The following SNTG2 variants were observed in gnomAD, a reference collection of about 807,000 sequenced individuals.
SNTG2 encodes the protein gamma-2-syntrophin.
SNTG2 carries 74 observed loss-of-function variants against 70.9 expected under a neutral mutation model. The observed-to-expected ratio is 1.04, with a 90% CI of 0.86 to 1.27. The LOEUF is 1.27. Among genes scored for constraint, SNTG2 ranks in the 50% most tolerant of loss-of-function variants. The pLI, the probability that SNTG2 is intolerant of heterozygous loss-of-function variation, is 0.00. For missense variants in SNTG2, 717 were observed against 690.7 expected, an observed-to-expected ratio of 1.04 and a Z score of -0.43; for synonymous variants, 278 against 273.8, an observed-to-expected ratio of 1.02 and a Z score of -0.15.
At chr2:1,228,994 C>T (rs951024204) in intron 9 of SNTG2, among the ~76,000 whole-genome samples, 5 of 151,988 alleles carry the variant, frequency 3.3e-5, no homozygotes, top group African/African-American at 9.7e-5. Context: ...CTGGTGGGCT[C>T]GTGGTCTCTC....
chr2:958,880 T>C (rs987661516), intron 1 of SNTG2, among the ~76,000 whole-genome samples: 3 of 152,178 alleles, frequency 2.0e-5, no homozygotes, highest in Admixed American at 6.5e-5. Context: ...AATTTTGGGA[T>C]AGTACGATAT....
At position 1,307,432 on chromosome 2, in the gene SNTG2, G is replaced by A. The variant is rs533997056; in HGVS notation, c.1285-1062G>A. On this transcript the variant is annotated intron_variant, in intron 14 of 16. Coordinates refer to ENST00000308624, the MANE Select transcript of SNTG2 (RefSeq NM_018968.4). ...AGTGTGTGTGGTGTGTGTGAGCCGT[G>A]TACTGTGTGTGTGTGTGTGTGTGTG... 1.3e-4 allele frequency among the ~76,000 whole-genome samples: 18 copies of A among 141,324 alleles called. No homozygotes were observed. In the South Asian group the frequency reaches 3.3e-3, roughly 26 times the overall value. 92.7% of individuals were successfully genotyped at this position (141,324 alleles called of 152,430 possible). A position where few individuals can be genotyped will look rare whatever the true frequency, so the allele number is the denominator to read the frequency against.
At chr2:1,160,263 A>G (rs1458292780) in intron 6 of SNTG2, 7 of 152,204 alleles carry the variant, frequency 4.6e-5, no homozygotes, top group Non-Finnish European at 1.0e-4. Flanking sequence ...ACGTTCTTAC[A>G]AAGGCATAGA....
At chr2:1,038,598 A>G (rs556470211) in intron 1 of SNTG2, among the ~76,000 whole-genome samples, 1 of 152,366 alleles carries the variant, frequency 6.6e-6, no homozygotes, top group African/African-American at 2.4e-5. Flanking sequence ...TTCAACATGG[A>G]TAAGATAAAT....
At chr2:1,149,935 G>C (rs779903020) in intron 6 of SNTG2, among the ~76,000 whole-genome samples, 2 of 151,996 alleles carry the variant, frequency 1.3e-5, no homozygotes, top group Non-Finnish European at 2.9e-5. Context: ...TGATCCACCC[G>C]CCTCGGCCTC....
At chr2:1,098,057 T>G in intron 2 of SNTG2, 139 bp from the exon 3 acceptor site, 1 of 848,704 alleles carries the variant, frequency 1.2e-6, no homozygotes, top group South Asian at 1.5e-5. Flanking sequence ...ATAGTGTCAT[T>G]ACTGTCATAT....
At chr2:960,121 G>C (rs930669967) in intron 1 of SNTG2, among the ~76,000 whole-genome samples, 1 of 152,134 alleles carries the variant, frequency 6.6e-6, no homozygotes, top group Non-Finnish European at 1.5e-5. Flanking sequence ...GAGAGGCTTC[G>C]GGCAGGTGTT....
rs150729918 is a variant in SNTG2 at position 1,187,046 on chromosome 2, C to T, written c.591+13863C>T. Reference sequence around the variant, plus strand: ...AGGGGCTGCAGAGACAGACCGAAGACGTCTAGCACATGCTCACCCATCAAG... The same window carrying T: ...AGGGGCTGCAGAGACAGACCGAAGATGTCTAGCACATGCTCACCCATCAAG... On this transcript the variant is annotated intron_variant, in intron 8 of 16. Coordinates refer to ENST00000308624, the MANE Select transcript of SNTG2 (RefSeq NM_018968.4). Among the ~76,000 whole-genome samples, 554 of 152,284 alleles carry T rather than the reference C, an allele frequency of 3.6e-3. 6 individuals are homozygous for T. The highest frequency in any genetic ancestry group is 8.6e-3 in the Admixed American group (132 of 15,300).
chr2:1,010,738 C>A (rs1405377840), intron 1 of SNTG2, among the ~76,000 whole-genome samples: 1 of 152,202 alleles, frequency 6.6e-6, no homozygotes, highest in African/African-American at 2.4e-5. Flanking sequence ...TCACCTTTGT[C>A]TCTGCTGCTC....
chr2:1,286,868 C>T (rs1035537626), intron 14 of SNTG2, among the ~76,000 whole-genome samples: 28 of 152,214 alleles, frequency 1.8e-4, no homozygotes, highest in African/African-American at 6.8e-4. Context: ...ATCACACTTG[C>T]TCTGAAGAAC....
intron 1 of SNTG2, among the ~76,000 whole-genome samples, chr2:1,020,845 C>T (rs894302004): frequency 1.3e-5 from 2 of 151,934 alleles, no homozygotes; most frequent in African/African-American, 4.8e-5. Context: ...ATATTTTTTG[C>T]CAATAGTAAC....
At chr2:951,138 C>G (rs1572154349) in intron 1 of SNTG2, 70 bp downstream of exon 1, 3 of 674,948 alleles carry the variant, frequency 4.4e-6, no homozygotes, top group Non-Finnish European at 4.2e-6. Flanking sequence ...CTTCTCCCCC[C>G]GCCCCTCCTC....
chr2:1,132,043 T>C (rs533280418), intron 4 of SNTG2, among the ~76,000 whole-genome samples: 2 of 152,312 alleles, frequency 1.3e-5, no homozygotes, highest in South Asian at 4.1e-4. Flanking sequence ...CACTAAACTA[T>C]CAAATACACA....
chr2:1,031,560 T>C (rs1325654782), intron 1 of SNTG2, among the ~76,000 whole-genome samples: 1 of 132,760 alleles, frequency 7.5e-6, no homozygotes, highest in East Asian at 2.2e-4. Flanking sequence ...AGGCGAAATC[T>C]CACTCCATTG....
At chr2:1,122,004 T>C (rs1007417237) in intron 4 of SNTG2, among the ~76,000 whole-genome samples, 1 of 152,098 alleles carries the variant, frequency 6.6e-6, no homozygotes, top group African/African-American at 2.4e-5. Context: ...TTGGACTACC[T>C]AGAGGAAATG....
At chr2:1,105,478 G>A (rs763097428) in intron 4 of SNTG2, among the ~76,000 whole-genome samples, 8 of 152,144 alleles carry the variant, frequency 5.3e-5, no homozygotes, top group Non-Finnish European at 1.0e-4. Context: ...AGGCTCACAC[G>A]TCAGGAACCA....
At chr2:1,352,349 G>C (rs1660624373) in intron 16 of SNTG2, among the ~76,000 whole-genome samples, 1 of 151,992 alleles carries the variant, frequency 6.6e-6, no homozygotes, top group African/African-American at 2.4e-5. Flanking sequence ...GAGCTCCTTT[G>C]GACTAGGATG....
intron 14 of SNTG2, among the ~76,000 whole-genome samples, chr2:1,279,898 T>A (rs1679445357): frequency 6.6e-6 from 1 of 152,250 alleles, no homozygotes; most frequent in South Asian, 2.1e-4. Flanking sequence ...CATAAGTGGC[T>A]GGGAAGATCG....
intron 1 of SNTG2, among the ~76,000 whole-genome samples, chr2:1,037,093 G>C (rs180727466): frequency 2.6e-5 from 4 of 152,248 alleles, no homozygotes; most frequent in Non-Finnish European, 5.9e-5. Flanking sequence ...CCAAGTCTGA[G>C]TGGCTCGCAG....
Sources: allele counts gnomAD v4.1 joint callset (sites outside exome capture counted in the v4.1 genomes callset), GRCh38; gene constraint gnomAD v4.1.1; transcripts MANE v1.5; gene names NCBI Gene and HGNC (gene_info 2026-07-23, HGNC 2026-07-21).